The following C1QL3 variants were observed in gnomAD, a reference collection of about 807,000 sequenced individuals.
The protein encoded by C1QL3 is complement C1q like 3.
C1QL3 carries 4 observed loss-of-function variants against 16.6 expected under a neutral mutation model. The observed-to-expected ratio is 0.24, with a 90% CI of 0.12 to 0.55. The LOEUF is 0.55. C1QL3 is among the 20% of genes least tolerant of loss of function. The pLI, the probability that C1QL3 is intolerant of heterozygous loss-of-function variation, is 0.94. For synonymous variants in C1QL3, 189 were observed against 160.2 expected, an observed-to-expected ratio of 1.18 and a Z score of -1.36; for missense variants, 269 against 365.6, an observed-to-expected ratio of 0.74 and a Z score of 2.16.
Position 16,521,263 on chromosome 10 carries a change from TC to T in C1QL3, c.-199del. On this transcript the variant is annotated 5_prime_UTR_variant, in exon 1 of 2. Transcript: ENST00000298943. The stretch of plus-strand genomic sequence containing the variant: ...GCCGGCCGCTGCTGCCGACTCCTGC[TC>T]CCCCCGCGGAGGCTGCGGCTGGGGA... 1.9e-6 allele frequency: 1 copy of T among 533,266 alleles called. No individual in the cohort carries two copies. Among genetic ancestry groups the T allele is most frequent in the Non-Finnish European group, 3.3e-6 (1 of 307,526 alleles). The allele number at this position is 533,266 out of a possible 1,614,324, so 33.0% of individuals were successfully genotyped here.
chr10:16,521,268 C>T lies in C1QL3; in HGVS notation c.-203G>A, dbSNP rs978968900. On this transcript the variant is annotated 5_prime_UTR_variant, in exon 1 of 2. Transcript: ENST00000298943. ...CCGCTGCTGCCGACTCCTGCTCCCCCCGCGGAGGCTGCGGCTGGGGAGGGA... is the reference window on the plus strand; with the variant it reads ...CCGCTGCTGCCGACTCCTGCTCCCCTCGCGGAGGCTGCGGCTGGGGAGGGA... 5 of 532,660 alleles carry T rather than the reference C, an allele frequency of 9.4e-6. No individual in the cohort carries two copies. The highest frequency in any genetic ancestry group is 3.8e-5 in the Admixed American group (1 of 26,012). The allele number at this position is 532,660 out of a possible 1,614,324, so 33.0% of individuals were successfully genotyped here. A position where few individuals can be genotyped will look rare whatever the true frequency, so the allele number is the denominator to read the frequency against.
intron 1 of C1QL3, among the ~76,000 whole-genome samples, chr10:16,517,029 A>G (rs1836962819): frequency 6.6e-6 from 1 of 152,192 alleles, no homozygotes; most frequent in Non-Finnish European, 1.5e-5. Context: ...AAGCTCTAGT[A>G]TTCAGCTCAG....
rs140267464 is a variant in C1QL3, at chr10:16,516,983, A to T, written c.589-2276T>A. On this transcript the variant is annotated intron_variant, in intron 1 of 1. Transcript: ENST00000298943. ...TGATTTTGGTATGGCTGCTCACCTG[A>T]TCCTACTCTAAAGATATAACAGGAC... 9.2e-3 allele frequency among the ~76,000 whole-genome samples: 1,397 copies of T among 152,254 alleles called. 20 individuals are homozygous for T. The highest frequency in any genetic ancestry group is 0.032 in the African/African-American group (1,320 of 41,532).
chr10:16,520,390 T>C lies in C1QL3; in HGVS notation c.588+88A>G. Reference sequence around the variant, plus strand: ...GCCGCCGCGCCCTTCCTCCGCGGGCTCCCACCCCCATTTCCGGGGTCTCCT... The same window carrying C: ...GCCGCCGCGCCCTTCCTCCGCGGGCCCCCACCCCCATTTCCGGGGTCTCCT... On this transcript the variant is annotated intron_variant, in intron 1 of 1. Transcript: ENST00000298943. This position sits in a 1 kb window ranked among gnomAD's most constrained non-coding sequence, Gnocchi z 8.3. The C allele has an allele frequency of 1.9e-6, 2 of 1,034,012 alleles. No homozygotes were observed. Among genetic ancestry groups the C allele is most frequent in the Non-Finnish European group, 1.4e-6 (1 of 733,552 alleles). The allele number at this position is 1,034,012 out of a possible 1,614,324, so 64.1% of individuals were successfully genotyped here.
rs1836909209 is a variant in C1QL3 at position 16,514,046 on chromosome 10, A to T, written c.*482T>A. On this transcript the variant is annotated 3_prime_UTR_variant, in exon 2 of 2. Coordinates refer to ENST00000298943, the MANE Select transcript of C1QL3 (RefSeq NM_001010908.2). ...TACAAGGCAAACAATTTCTTTGGGG[A>T]CAAGCAGCATTATTTCAATTAGACC... 5.9e-6 allele frequency: 2 copies of T among 339,210 alleles called. No individual in the cohort carries two copies. The highest frequency in any genetic ancestry group is 5.3e-6 in the Non-Finnish European group (1 of 188,954). 21.0% of individuals were successfully genotyped at this position (339,210 alleles called of 1,614,324 possible).
At chr10:16,516,742 T>C (rs45527238) in intron 1 of C1QL3, among the ~76,000 whole-genome samples, 1 of 152,198 alleles carries the variant, frequency 6.6e-6, no homozygotes, top group Non-Finnish European at 1.5e-5. Context: ...CGAGTGAACG[T>C]CACCATTTTT....
At chr10:16,514,881 G>A (rs1242682534) in intron 1 of C1QL3, among the ~76,000 whole-genome samples, 174 bp from the exon 2 acceptor site, 2 of 152,138 alleles carry the variant, frequency 1.3e-5, no homozygotes, top group Admixed American at 6.5e-5. Context: ...TTTCCGCTAC[G>A]TTAGTGAGAA....
chr10:16,516,037 T>C (rs1041578434), intron 1 of C1QL3, among the ~76,000 whole-genome samples: 9 of 152,176 alleles, frequency 5.9e-5, no homozygotes, highest in African/African-American at 2.2e-4. Flanking sequence ...ACGTTAATGC[T>C]GAAATGTTAA....
Position 16,520,916 on chromosome 10 carries a change from G to T in C1QL3, c.150C>A (p.Gly50=). 1 of 1,560,488 alleles carries T rather than the reference G, an allele frequency of 6.4e-7. No homozygotes were observed. The highest frequency in any genetic ancestry group is 8.6e-7 in the Non-Finnish European group (1 of 1,161,624). ...TGAAGGTGGGCAGGGACTGCATGAG[G>T]CCGCGGTCGGGCGTGGCAGCGGTGC... ...APSTAATPDR[G]LMQSLPTFIQ... The change falls in exon 1 of 2, where the codon GGC becomes GGA. Residue 50 remains glycine, a synonymous_variant. Transcript: ENST00000298943. This position sits in a 1 kb window ranked among gnomAD's most constrained non-coding sequence, Gnocchi z 8.3.
Position 16,521,392 on chromosome 10 carries a change from A to C in C1QL3, c.-327T>G. On this transcript the variant is annotated 5_prime_UTR_variant, in exon 1 of 2. Transcript: ENST00000298943. ...CCTCGCCCCCCGCGAGCTCCTTCGCACCTGTGGCTGCAGCCGGCGCCGGCG... is the reference window on the plus strand; with the variant it reads ...CCTCGCCCCCCGCGAGCTCCTTCGCCCCTGTGGCTGCAGCCGGCGCCGGCG... 1 of 201,810 alleles carries C rather than the reference A, an allele frequency of 5.0e-6. No individual in the cohort carries two copies. Among genetic ancestry groups the C allele is most frequent in the East Asian group, 1.1e-4 (1 of 9,424 alleles). The allele number at this position is 201,810 out of a possible 1,614,324, so 12.5% of individuals were successfully genotyped here. A position where few individuals can be genotyped will look rare whatever the true frequency, so the allele number is the denominator to read the frequency against.
Position 16,514,588 on chromosome 10 carries a change from G to A in C1QL3, c.708C>T (p.Ala236=). The A allele has an allele frequency of 6.2e-7, 1 of 1,613,780 alleles. No individual in the cohort carries two copies. Among genetic ancestry groups the A allele is most frequent in the Non-Finnish European group, 8.5e-7 (1 of 1,179,758 alleles). The change falls in exon 2 of 2, where the codon GCC becomes GCT. Residue 236 remains alanine, a synonymous_variant. Coordinates refer to ENST00000298943, the MANE Select transcript of C1QL3 (RefSeq NM_001010908.2). ...TGTATTTGTTGTTGTTTCCTCCATG[G>A]GCTTTCCCGCCATCTAATTTGATAT... ...EVYIKLDGGK[A]HGGNNNKYST...
chr10:16,515,245 GTC>G (rs1836932591), intron 1 of C1QL3, among the ~76,000 whole-genome samples: 1 of 148,800 alleles, frequency 6.7e-6, no homozygotes, highest in Admixed American at 6.7e-5. Context: ...AAAAGAAAAA[GTC>G]TTTTGATTTA....
intron 1 of C1QL3, among the ~76,000 whole-genome samples, chr10:16,517,999 T>C (rs932693545): frequency 6.6e-6 from 1 of 152,308 alleles, no homozygotes. Flanking sequence ...GGGAACTGCA[T>C]TTTTAGTTTA....
intron 1 of C1QL3, 54 bp from the exon 2 acceptor site, chr10:16,514,761 T>A (rs1265876935): frequency 1.4e-6 from 2 of 1,384,554 alleles, no homozygotes; most frequent in Non-Finnish European, 2.0e-6. Flanking sequence ...TCAAGTTTTC[T>A]TTTTTGCCAT....
At position 16,514,561 on chromosome 10, in the gene C1QL3, G is replaced by A; in HGVS notation, c.735C>T (p.Ser245=). ...CATAAATAATAAATCCAGAAAACGTGCTGTATTTGTTGTTGTTTCCTCCAT... is the reference window on the plus strand; with the variant it reads ...CATAAATAATAAATCCAGAAAACGTACTGTATTTGTTGTTGTTTCCTCCAT... ...KAHGGNNNKY[S]TFSGFIIYAD The change falls in exon 2 of 2, where the codon AGC becomes AGT. Residue 245 remains serine, a synonymous_variant. Transcript: ENST00000298943. 6.2e-7 allele frequency: 1 copy of A among 1,613,722 alleles called. No homozygotes were observed. The highest frequency in any genetic ancestry group is 8.5e-7 in the Non-Finnish European group (1 of 1,179,742).
intron 1 of C1QL3, among the ~76,000 whole-genome samples, chr10:16,516,426 T>C (rs692738): frequency 6.6e-6 from 1 of 152,188 alleles, no homozygotes; most frequent in Non-Finnish European, 1.5e-5. Flanking sequence ...TATTATGACT[T>C]GTGTTTTTTT....
chr10:16,516,751 T>C (rs1481515700), intron 1 of C1QL3, among the ~76,000 whole-genome samples: 1 of 152,238 alleles, frequency 6.6e-6, no homozygotes, highest in African/African-American at 2.4e-5. Context: ...GTCACCATTT[T>C]TATTCAGTAG....
In C1QL3 at chr10:16,517,231, AC is replaced by A. The variant is rs1401192430; in HGVS notation, c.589-2525del. Reference sequence around the variant, plus strand: ...TAATATCTTTTCTTATTACAAGATAACTATTTAGATTCTGCTTTATGTTTAG... The same window carrying A: ...TAATATCTTTTCTTATTACAAGATAATATTTAGATTCTGCTTTATGTTTAG... On this transcript the variant is annotated intron_variant, in intron 1 of 1. Transcript: ENST00000298943. Among the ~76,000 whole-genome samples the A allele has an allele frequency of 7.2e-5, 11 of 152,338 alleles. No homozygotes were observed. In the East Asian group the frequency reaches 1.9e-3, roughly 27 times the overall value.
rs769013505 is a variant in C1QL3, at chr10:16,520,727, G to C, written c.339C>G (p.Ala113=). The change falls in exon 1 of 2, where the codon GCC becomes GCG. Residue 113 remains alanine, a synonymous_variant. Transcript: ENST00000298943. The surrounding 1 kb of genome is among the most constrained non-coding windows in gnomAD (Gnocchi z 8.3). ...TGTAGGTGGCGGCGCTGATGGCCCCGGCCGCGTTCAGGCCGGGCGCCCCGG... is the reference window on the plus strand; with the variant it reads ...TGTAGGTGGCGGCGCTGATGGCCCCCGCCGCGTTCAGGCCGGGCGCCCCGG... ...GPPGAPGLNA[A]GAISAATYST... The C allele has an allele frequency of 1.3e-5, 20 of 1,521,318 alleles. No individual in the cohort carries two copies. The Admixed American group carries it at 3.9e-4, about 30-fold the overall frequency. 94.2% of individuals were successfully genotyped at this position (1,521,318 alleles called of 1,614,324 possible).
Sources: allele counts gnomAD v4.1 joint callset (sites outside exome capture counted in the v4.1 genomes callset), GRCh38; gene constraint gnomAD v4.1.1; non-coding constraint Gnocchi (gnomAD v3.1); transcripts MANE v1.5; gene names NCBI Gene and HGNC (gene_info 2026-07-23, HGNC 2026-07-21).